The following CAMK1D variants were observed in gnomAD, a reference collection of about 807,000 sequenced individuals.
CAMK1D encodes the protein calcium/calmodulin-dependent protein kinase type 1D.
In CAMK1D, 9 loss-of-function variants were observed where a neutral mutation model predicts 47.7. The observed-to-expected ratio is 0.19, with a 90% CI of 0.11 to 0.33. The LOEUF (loss-of-function observed/expected upper bound fraction) is 0.33, where lower values mean the gene tolerates loss of function less well. CAMK1D is among the 10% of genes least tolerant of loss of function. The pLI is 1.00. For synonymous variants in CAMK1D, 184 were observed against 184.9 expected, an observed-to-expected ratio of 0.99 and a Z score of 0.04; for missense variants, 291 against 488.7, an observed-to-expected ratio of 0.60 and a Z score of 3.81.
intron 1 of CAMK1D, among the ~76,000 whole-genome samples, chr10:12,407,718 A>G (rs1213597660): frequency 5.9e-5 from 9 of 152,238 alleles, no homozygotes; most frequent in Non-Finnish European, 1.3e-4. Context: ...CAAGTTGACC[A>G]GCATCATCCA....
At chr10:12,562,544 A>G (rs566815717) in intron 2 of CAMK1D, among the ~76,000 whole-genome samples, 61 of 152,262 alleles carry the variant, frequency 4.0e-4, no homozygotes, top group African/African-American at 1.4e-3. Context: ...TCATTTGCAA[A>G]CGAGCCCCCG....
rs576082865 is a variant in CAMK1D at position 12,518,501 on chromosome 10, T to A, written c.93-34724T>A. Among the ~76,000 whole-genome samples, 17 of 103,920 alleles carry A rather than the reference T, an allele frequency of 1.6e-4. 4 individuals carry two copies. The highest frequency in any genetic ancestry group is 1.3e-3 in the East Asian group (5 of 3,906). The allele number at this position is 103,920 out of a possible 152,430, so 68.2% of individuals were successfully genotyped here. On this transcript the variant is annotated intron_variant, in intron 1 of 10. Coordinates refer to ENST00000619168, the MANE Select transcript of CAMK1D (RefSeq NM_153498.4). The stretch of plus-strand genomic sequence containing the variant: ...TTTTATTTTTTATTTTTTATTTTTT[T>A]TTTTTATTGATCATTCTTGGGTGTT...
chr10:12,517,247 C>T (rs899918042), intron 1 of CAMK1D, among the ~76,000 whole-genome samples: 3 of 152,174 alleles, frequency 2.0e-5, no homozygotes, highest in Non-Finnish European at 4.4e-5. Context: ...GCCAAACTCA[C>T]TTAATAGTTC....
chr10:12,538,066 A>T (rs1248287352), intron 1 of CAMK1D, among the ~76,000 whole-genome samples: 1 of 152,164 alleles, frequency 6.6e-6, no homozygotes, highest in Non-Finnish European at 1.5e-5. Flanking sequence ...TCCTTTTTAA[A>T]ATGTACTCTC....
chr10:12,547,309 A>G (rs113591249), intron 1 of CAMK1D, among the ~76,000 whole-genome samples: 17 of 152,286 alleles, frequency 1.1e-4, no homozygotes, highest in African/African-American at 3.6e-4. Context: ...GGTCCAGTCT[A>G]GTGGTGGTGG....
intron 5 of CAMK1D, among the ~76,000 whole-genome samples, chr10:12,788,125 A>G (rs934211722): frequency 6.6e-6 from 1 of 152,220 alleles, no homozygotes; most frequent in African/African-American, 2.4e-5. Context: ...ACTTGTTAAT[A>G]ATTTAAACTT....
At chr10:12,453,805 C>T (rs966870615) in intron 1 of CAMK1D, among the ~76,000 whole-genome samples, 4 of 152,156 alleles carry the variant, frequency 2.6e-5, no homozygotes, top group Admixed American at 2.0e-4. Context: ...TGGAGCCTTG[C>T]CTGTTTTGTT....
intron 1 of CAMK1D, among the ~76,000 whole-genome samples, chr10:12,526,616 G>C (rs979935563): frequency 5.3e-5 from 8 of 152,076 alleles, no homozygotes; most frequent in Non-Finnish European, 1.2e-4. Context: ...CAAGAGAAAA[G>C]GAAGATAAAA....
intron 2 of CAMK1D, among the ~76,000 whole-genome samples, chr10:12,593,724 C>A (rs1353399987): frequency 6.6e-6 from 1 of 152,108 alleles, no homozygotes; most frequent in African/African-American, 2.4e-5. Flanking sequence ...AAAATACCAT[C>A]CCCCGTGGCC....
intron 1 of CAMK1D, among the ~76,000 whole-genome samples, chr10:12,468,946 C>G (rs1396178679): frequency 6.6e-6 from 1 of 152,118 alleles, no homozygotes; most frequent in Non-Finnish European, 1.5e-5. Context: ...TATTTAGCAG[C>G]CTCTTTCTGG....
At chr10:12,821,755 G>A (rs4748005) in intron 8 of CAMK1D, among the ~76,000 whole-genome samples, 15,669 of 152,128 alleles carry the variant, frequency 0.1, 1,089 homozygotes, top group African/African-American at 0.19. Context: ...CAGGCTGATC[G>A]CTGGAGGTCA....
At chr10:12,383,540 T>C (rs1390404036) in intron 1 of CAMK1D, among the ~76,000 whole-genome samples, 12 of 152,232 alleles carry the variant, frequency 7.9e-5, no homozygotes, top group Non-Finnish European at 1.8e-4. Context: ...ATTTCAAATC[T>C]TCTTGAACTT....
intron 1 of CAMK1D, among the ~76,000 whole-genome samples, chr10:12,477,082 G>A (rs926922546): frequency 1.3e-5 from 2 of 152,066 alleles, no homozygotes; most frequent in Non-Finnish European, 2.9e-5. Context: ...GCCAATGCCC[G>A]GGGCATGGGA....
chr10:12,755,851 C>A (rs923293704), intron 3 of CAMK1D, among the ~76,000 whole-genome samples: 1 of 152,096 alleles, frequency 6.6e-6, no homozygotes, highest in African/African-American at 2.4e-5. Context: ...AGTATCTTCC[C>A]CTTAGGACTA....
intron 4 of CAMK1D, among the ~76,000 whole-genome samples, chr10:12,764,738 T>C (rs1836670617): frequency 6.6e-6 from 1 of 152,156 alleles, no homozygotes; most frequent in African/African-American, 2.4e-5. Flanking sequence ...ATTCGAGCAT[T>C]CCCGCCCCTT....
rs1435707651 is a variant in CAMK1D at position 12,520,926 on chromosome 10, ACCGTG to A, written c.93-32298_93-32294del. Among the ~76,000 whole-genome samples, 10 of 103,196 alleles carry A rather than the reference ACCGTG, an allele frequency of 9.7e-5. No individual in the cohort carries two copies. The East Asian group carries it at 1.1e-3, about 11-fold the overall frequency. The allele number at this position is 103,196 out of a possible 152,430, so 67.7% of individuals were successfully genotyped here. On this transcript the variant is annotated intron_variant, in intron 1 of 10. Transcript: ENST00000619168. ...CATCAGAGGGAGACCGTGGAAGGAG[ACCGTG>A]GGGAGAGGGAGAGGGAGGGGGAGGG...
chr10:12,779,078 G>A (rs11257984), intron 5 of CAMK1D, among the ~76,000 whole-genome samples: 185 of 152,258 alleles, frequency 1.2e-3, no homozygotes, highest in Admixed American at 8.0e-3. Flanking sequence ...ACTGAGCCTC[G>A]AGAGAGGGCT....
intron 2 of CAMK1D, among the ~76,000 whole-genome samples, chr10:12,627,078 A>ATTTT (rs71386106): frequency 9.6e-6 from 1 of 104,422 alleles, no homozygotes; most frequent in African/African-American, 3.4e-5. Context: ...ATGGGCTATA[A>ATTTT]TTTTTTTTTT....
chr10:12,510,562 C>T (rs1335345288), intron 1 of CAMK1D, among the ~76,000 whole-genome samples: 1 of 152,244 alleles, frequency 6.6e-6, no homozygotes, highest in Non-Finnish European at 1.5e-5. Flanking sequence ...AATGTATTTT[C>T]ACTACTGTGG....
Sources: allele counts gnomAD v4.1 joint callset (sites outside exome capture counted in the v4.1 genomes callset), GRCh38; gene constraint gnomAD v4.1.1; transcripts MANE v1.5; gene names NCBI Gene and HGNC (gene_info 2026-07-23, HGNC 2026-07-21).